The following GPATCH2 variants were observed in gnomAD, a reference collection of about 807,000 sequenced individuals.
The protein encoded by GPATCH2 is G-patch domain containing 2.
A neutral mutation model predicts 58.0 loss-of-function variants in GPATCH2; 51 were observed. The ratio of observed to expected loss-of-function variants is 0.88; its 90% CI spans 0.70 to 1.11. The LOEUF (loss-of-function observed/expected upper bound fraction) is 1.11. Among genes scored for constraint, GPATCH2 ranks in the 50% most tolerant of loss-of-function variants. The pLI is 0.00. For synonymous variants in GPATCH2, 222 were observed against 218.5 expected (o/e 1.02, Z -0.14); for missense variants, 625 against 652.2 (o/e 0.96, Z 0.45).
rs34863823 is a variant in GPATCH2, at chr1:217,618,221, CTT to C, written c.773+1560_773+1561del. Reference sequence around the variant, plus strand: ...TAAACTTTTCAAAGCCCTCTGGAAACTTTTTTTTTTTTTTTTTTTTGAGATAG... The same window carrying C: ...TAAACTTTTCAAAGCCCTCTGGAAACTTTTTTTTTTTTTTTTTTGAGATAG... On this transcript the variant is annotated intron_variant, in intron 2 of 9. Transcript: ENST00000366935. Among the ~76,000 whole-genome samples the C allele has an allele frequency of 1.8e-3, 226 of 124,648 alleles. 1 individual carries two copies. The highest frequency in any genetic ancestry group is 7.3e-3 in the South Asian group (28 of 3,862). The allele number at this position is 124,648 out of a possible 152,430, so 81.8% of individuals were successfully genotyped here.
In GPATCH2 at chr1:217,431,289, C is replaced by T. The variant is rs752558720; in HGVS notation, c.1443G>A (p.Thr481=). The T allele has an allele frequency of 3.5e-5, 56 of 1,607,062 alleles. No individual in the cohort carries two copies. The highest frequency in any genetic ancestry group is 3.3e-4 in the Middle Eastern group (2 of 6,076). The change falls in exon 10 of 10, where the codon ACG becomes ACA. Residue 481 remains threonine, a synonymous_variant. Coordinates refer to ENST00000366935, the MANE Select transcript of GPATCH2 (RefSeq NM_018040.5). ...GNRMLQNMGW[T]PGSGLGRDGK... ...CATCTCGTCCAAGGCCTGACCCAGG[C>T]GTCCAGCCCATATTCTGAAGCATTC...
At chr1:217,515,156 C>T (rs1463198335) in intron 5 of GPATCH2, among the ~76,000 whole-genome samples, 5 of 150,960 alleles carry the variant, frequency 3.3e-5, no homozygotes, top group East Asian at 2.0e-4. Flanking sequence ...AGTGCAGCAG[C>T]GCGATCTCGG....
chr1:217,629,232 C>A (rs1223861438), intron 1 of GPATCH2, among the ~76,000 whole-genome samples: 1 of 98,432 alleles, frequency 1.0e-5, no homozygotes, highest in Non-Finnish European at 2.5e-5. Context: ...GATAGTCATA[C>A]AGATAGTCAT....
chr1:217,442,677 G>A (rs1467984581), intron 9 of GPATCH2, among the ~76,000 whole-genome samples: 2 of 151,952 alleles, frequency 1.3e-5, no homozygotes, highest in Non-Finnish European at 2.9e-5. Flanking sequence ...GATTCATTTT[G>A]TTTGTTATAA....
chr1:217,604,060 T>A (rs183499960), intron 5 of GPATCH2, among the ~76,000 whole-genome samples: 82 of 152,130 alleles, frequency 5.4e-4, no homozygotes, highest in African/African-American at 1.9e-3. Context: ...TAAAAAAGTG[T>A]CAGTTTCTGG....
chr1:217,564,097 AT>A (rs1400291562), intron 5 of GPATCH2, among the ~76,000 whole-genome samples: 2 of 149,596 alleles, frequency 1.3e-5, no homozygotes, highest in Admixed American at 1.3e-4. Context: ...ACGATAATTT[AT>A]TCCAGAATAA....
intron 9 of GPATCH2, among the ~76,000 whole-genome samples, chr1:217,442,124 A>G (rs1430682268): frequency 6.6e-6 from 1 of 152,218 alleles, no homozygotes; most frequent in Non-Finnish European, 1.5e-5. Flanking sequence ...TGGATAAAGA[A>G]AATGTGGCAC....
In GPATCH2 at chr1:217,562,806, T is replaced by C. The variant is rs995972184; in HGVS notation, c.1098+47515A>G. Among the ~76,000 whole-genome samples the C allele has an allele frequency of 9.9e-5, 15 of 152,228 alleles. No individual in the cohort carries two copies. The South Asian group carries it at 3.1e-3, about 32-fold the overall frequency. ...TCTGTTAAAACGGGATAATACTCTC[T>C]AATTCATGCAGTTGTTGTAAAGGTT... On this transcript the variant is annotated intron_variant, in intron 5 of 9. Coordinates refer to ENST00000366935, the MANE Select transcript of GPATCH2 (RefSeq NM_018040.5).
chr1:217,566,097 G>A (rs1386066973), intron 5 of GPATCH2, among the ~76,000 whole-genome samples: 5 of 62,474 alleles, frequency 8.0e-5, no homozygotes, highest in South Asian at 6.6e-4. Context: ...GCAAAACTCC[G>A]TCTCAAAAAA....
intron 5 of GPATCH2, among the ~76,000 whole-genome samples, chr1:217,551,653 C>G (rs894717571): frequency 6.6e-6 from 1 of 152,154 alleles, no homozygotes; most frequent in African/African-American, 2.4e-5. Flanking sequence ...AGATCTCACT[C>G]ACTGTTGTGT....
At chr1:217,487,060 C>T (rs1348941241) in intron 8 of GPATCH2, among the ~76,000 whole-genome samples, 2 of 152,200 alleles carry the variant, frequency 1.3e-5, no homozygotes, top group Non-Finnish European at 2.9e-5. Flanking sequence ...AATTGTATTT[C>T]ATATTTTATT....
At chr1:217,594,517 T>C (rs1667730945) in intron 5 of GPATCH2, among the ~76,000 whole-genome samples, 1 of 152,118 alleles carries the variant, frequency 6.6e-6, no homozygotes, top group Non-Finnish European at 1.5e-5. Context: ...TATATCAAAG[T>C]AATAAAGTAA....
At chr1:217,523,855 A>C (rs1571857089) in intron 5 of GPATCH2, among the ~76,000 whole-genome samples, 3 of 122,404 alleles carry the variant, frequency 2.5e-5, no homozygotes, top group African/African-American at 3.2e-5. Context: ...CGGGGGGCTG[A>C]CCCCCACACC....
intron 6 of GPATCH2, among the ~76,000 whole-genome samples, chr1:217,509,924 T>C (rs1662763416): frequency 6.6e-6 from 1 of 152,168 alleles, no homozygotes; most frequent in African/African-American, 2.4e-5. Flanking sequence ...AGATAGAGAA[T>C]GCTGATACGA....
intron 5 of GPATCH2, among the ~76,000 whole-genome samples, chr1:217,580,268 C>G (rs1278318026): frequency 6.6e-6 from 1 of 152,078 alleles, no homozygotes; most frequent in African/African-American, 2.4e-5. Context: ...TGTCCTCACT[C>G]CCCGACCTTC....
At chr1:217,508,368 A>G (rs1001449863) in intron 6 of GPATCH2, among the ~76,000 whole-genome samples, 1 of 152,168 alleles carries the variant, frequency 6.6e-6, no homozygotes, top group African/African-American at 2.4e-5. Flanking sequence ...TTTGCTTTAT[A>G]AAGGAATTCA....
intron 8 of GPATCH2, among the ~76,000 whole-genome samples, chr1:217,480,834 C>T (rs960337259): frequency 6.6e-6 from 1 of 152,108 alleles, no homozygotes; most frequent in African/African-American, 2.4e-5. Flanking sequence ...TCATTTGAAA[C>T]AATATGGATG....
rs185948093 is a variant in GPATCH2, at chr1:217,616,717, C to T, written c.774-2515G>A. Among the ~76,000 whole-genome samples the T allele has an allele frequency of 5.3e-5, 8 of 152,248 alleles. 1 individual carries two copies. In the East Asian group the frequency reaches 9.6e-4, roughly 18 times the overall value. ...TCATTACGGCTTATCTCCAAAGACA[C>T]CCTTTCCTTGGAGATTCACCTTTTT... is the stretch of plus-strand genomic sequence containing the variant. On this transcript the variant is annotated intron_variant, in intron 2 of 9. Transcript: ENST00000366935.
intron 5 of GPATCH2, among the ~76,000 whole-genome samples, chr1:217,542,284 T>G (rs1443874484): frequency 6.6e-6 from 1 of 152,172 alleles, no homozygotes; most frequent in African/African-American, 2.4e-5. Flanking sequence ...AAAATATCCT[T>G]CTCCCATCCT....
Sources: gnomAD v4.1 joint callset for allele counts (sites outside exome capture counted in the v4.1 genomes callset) on GRCh38, gnomAD v4.1.1 for gene constraint, MANE v1.5 for transcripts, NCBI Gene and HGNC (gene_info 2026-07-23, HGNC 2026-07-21) for gene names.